ABCD2: variants seen among roughly 807,000 people sequenced by gnomAD.
The protein encoded by ABCD2 is ATP-binding cassette sub-family D member 2.
A neutral mutation model predicts 70.9 loss-of-function variants in ABCD2; 36 were observed. That is an observed-to-expected ratio of 0.51 (90% CI 0.39 to 0.67). The LOEUF (loss-of-function observed/expected upper bound fraction) is 0.67. Ranked by LOEUF, ABCD2 falls within the 30% of genes least tolerant of loss-of-function variation. ABCD2 has a pLI of 0.00. For synonymous variants in ABCD2, 304 were observed against 306.9 expected, an observed-to-expected ratio of 0.99 and a Z score of 0.10; for missense variants, 729 against 890.2, an observed-to-expected ratio of 0.82 and a Z score of 2.30.
intron 5 of ABCD2, among the ~76,000 whole-genome samples, chr12:39,602,593 C>T (rs1489395148): frequency 6.6e-6 from 1 of 152,108 alleles, no homozygotes; most frequent in Non-Finnish European, 1.5e-5. Flanking sequence ...AATTTTCTGT[C>T]TGAGTTAGAA....
chr12:39,618,025 CT>C (rs67856652), intron 1 of ABCD2, among the ~76,000 whole-genome samples: 16,107 of 140,338 alleles, frequency 0.11, 1,448 homozygotes, highest in African/African-American at 0.26. Flanking sequence ...CTAATTTCAG[CT>C]TTTTTTTTTT....
intron 9 of ABCD2, among the ~76,000 whole-genome samples, chr12:39,568,184 T>C (rs1026401446): frequency 4.6e-5 from 7 of 152,336 alleles, no homozygotes; most frequent in South Asian, 2.1e-4. Context: ...CCTTGCTAGA[T>C]TGGGGAAGTT....
At chr12:39,615,241 CA>C (rs1942100001) in intron 2 of ABCD2, among the ~76,000 whole-genome samples, 1 of 151,722 alleles carries the variant, frequency 6.6e-6, no homozygotes, top group Non-Finnish European at 1.5e-5. Context: ...CACTGACTAA[CA>C]AAACTACATC....
chr12:39,569,770 C>T (rs1018937114), intron 9 of ABCD2, among the ~76,000 whole-genome samples: 1 of 152,308 alleles, frequency 6.6e-6, no homozygotes, highest in Non-Finnish European at 1.5e-5. Flanking sequence ...CTTGGCTCCA[C>T]TCCCCCAGAT....
intron 9 of ABCD2, among the ~76,000 whole-genome samples, chr12:39,566,213 C>T (rs1269271013): frequency 6.6e-6 from 1 of 152,266 alleles, no homozygotes; most frequent in South Asian, 2.1e-4. Context: ...GGTACCAGTT[C>T]CTCCTTGTAC....
intron 9 of ABCD2, among the ~76,000 whole-genome samples, chr12:39,563,724 C>T (rs566237110): frequency 7.2e-5 from 11 of 152,214 alleles, no homozygotes; most frequent in African/African-American, 2.2e-4. Context: ...GTGCTGCACC[C>T]ATTAACTCAT....
At chr12:39,601,344 G>T (rs968195344) in intron 5 of ABCD2, among the ~76,000 whole-genome samples, 1 of 151,162 alleles carries the variant, frequency 6.6e-6, no homozygotes, top group Non-Finnish European at 1.5e-5. Context: ...GTCTAGGGAT[G>T]AATTAAAATA....
Position 39,605,523 on chromosome 12 carries a change from C to T in ABCD2, c.1237-593G>A, listed in dbSNP as rs112941821. On this transcript the variant is annotated intron_variant, in intron 3 of 9. Transcript: ENST00000308666. The stretch of plus-strand genomic sequence containing the variant: ...CATGATTTATATGCCCAAAGAAAAA[C>T]ATTAAATATATTTTTTTTTCTAGGT... 9.6e-3 allele frequency among the ~76,000 whole-genome samples: 1,453 copies of T among 152,098 alleles called. 24 individuals carry two copies. The highest frequency in any genetic ancestry group is 0.033 in the African/African-American group (1,374 of 41,530).
intron 9 of ABCD2, among the ~76,000 whole-genome samples, chr12:39,555,779 A>G (rs946702293): frequency 2.0e-5 from 3 of 152,074 alleles, no homozygotes; most frequent in African/African-American, 7.2e-5. Context: ...CTGTCAGACA[A>G]ACTCAATTTC....
intron 6 of ABCD2, among the ~76,000 whole-genome samples, chr12:39,596,918 A>AT (rs1375790273): frequency 1.3e-5 from 2 of 152,084 alleles, no homozygotes; most frequent in African/African-American, 4.8e-5. Flanking sequence ...TATACTTTAA[A>AT]TCATCTTTAG....
At chr12:39,560,028 T>C (rs1318164715) in intron 9 of ABCD2, among the ~76,000 whole-genome samples, 1 of 152,210 alleles carries the variant, frequency 6.6e-6, no homozygotes, top group African/African-American at 2.4e-5. Flanking sequence ...TTTTTTATTA[T>C]ACTTTAAGTT....
chr12:39,539,926 T>A, the ABCD2 span: 4 of 152,512 alleles, frequency 2.6e-5, no homozygotes, highest in African/African-American at 9.7e-5. Context: ...CTTTCTAATT[T>A]TTCCAAAGTA....
At position 39,554,128 on chromosome 12, in the gene ABCD2, T is replaced by G. The variant is rs760822721; in HGVS notation, c.2007A>C (p.Lys669Asn). 4.4e-6 allele frequency: 7 copies of G among 1,603,516 alleles called. No homozygotes were observed. The South Asian group carries it at 6.8e-5, about 15-fold the overall frequency. ...CAAACTGTAATAAATGTGTGTGGTA[T>G]TTCCTGCATAATTAAAATGAAATAA... ...LSITHRPSLW[K>N]YHTHLLQFDG... The change falls in exon 10 of 10, where the codon AAA becomes AAC. Residue 669 changes from lysine to asparagine, a missense_variant. Coordinates refer to ENST00000308666, the MANE Select transcript of ABCD2 (RefSeq NM_005164.4).
At chr12:39,595,376 T>C (rs145915371) in intron 6 of ABCD2, among the ~76,000 whole-genome samples, 2 of 152,314 alleles carry the variant, frequency 1.3e-5, no homozygotes, top group East Asian at 1.9e-4. Flanking sequence ...AAGTATGTAG[T>C]CCCTTTGAAA....
intron 2 of ABCD2, 99 bp downstream of exon 2, chr12:39,616,889 T>C (rs993415716): frequency 1.0e-5 from 11 of 1,085,700 alleles, no homozygotes; most frequent in African/African-American, 4.9e-5. Flanking sequence ...AACTAGAATA[T>C]GACCATGTAC....
intron 2 of ABCD2, among the ~76,000 whole-genome samples, chr12:39,614,276 G>A (rs1015155062): frequency 1.3e-5 from 2 of 152,122 alleles, no homozygotes; most frequent in Admixed American, 6.6e-5. Context: ...TTCTACCTAG[G>A]TTCTTACTTA....
Position 39,554,029 on chromosome 12 carries a change from CT to C in ABCD2, c.2105del (p.Lys702SerfsTer2). 1 of 1,613,626 alleles carries C rather than the reference CT, an allele frequency of 6.2e-7. No individual in the cohort carries two copies. The highest frequency in any genetic ancestry group is 8.5e-7 in the Non-Finnish European group (1 of 1,179,836). On this transcript the variant is annotated frameshift_variant, in exon 10 of 10. Transcript: ENST00000308666. LOFTEE classifies it high-confidence loss of function. ...IRLTLSEEKQKLESQLAGIPK... is the reference protein window; with the variant it reads ...IRLTLSEEKQXLESQLAGIPK... ...GAATTCCAGCTAGCTGAGATTCTAG[CT>C]TTTGTTTTTCTTCACTCAATGTCAA...
intron 6 of ABCD2, among the ~76,000 whole-genome samples, chr12:39,588,476 A>G (rs1194149818): frequency 6.6e-6 from 1 of 152,198 alleles, no homozygotes; most frequent in Non-Finnish European, 1.5e-5. Context: ...CAGAGATGGG[A>G]GTTACTGCCG....
At chr12:39,584,993 C>T (rs2120631724) in intron 7 of ABCD2, among the ~76,000 whole-genome samples, 1 of 152,282 alleles carries the variant, frequency 6.6e-6, no homozygotes, top group Non-Finnish European at 1.5e-5. Flanking sequence ...ATTACCTTGG[C>T]TATTCAGGCT....
Sources: allele counts gnomAD v4.1 joint callset (sites outside exome capture counted in the v4.1 genomes callset), GRCh38; gene constraint gnomAD v4.1.1; transcripts MANE v1.5; gene names NCBI Gene and HGNC (gene_info 2026-07-23, HGNC 2026-07-21).